The following TMEM181 variants were observed in gnomAD, a reference collection of about 807,000 sequenced individuals.
The protein encoded by TMEM181 is transmembrane protein 181.
Under a neutral mutation model 71.9 loss-of-function variants are expected in TMEM181, and 39 were observed. That is an observed-to-expected ratio of 0.54 (90% CI 0.42 to 0.71). TMEM181 has a LOEUF of 0.71. Among genes scored for constraint, TMEM181 ranks in the 30% least tolerant of loss-of-function variants. The pLI, the probability that TMEM181 is intolerant of heterozygous loss-of-function variation, is 0.00. For synonymous variants in TMEM181, 245 were observed against 228.8 expected (o/e 1.07, Z -0.64); for missense variants, 595 against 583.0 (o/e 1.02, Z -0.21).
chr6:158,562,086 C>T (rs1217094698), intron 1 of TMEM181, among the ~76,000 whole-genome samples: 1 of 152,168 alleles, frequency 6.6e-6, no homozygotes, highest in Non-Finnish European at 1.5e-5. Flanking sequence ...GGCAGCTCCA[C>T]CACTCTGCTT....
chr6:158,560,583 C>T (rs1482153388), intron 1 of TMEM181, among the ~76,000 whole-genome samples: 2 of 152,142 alleles, frequency 1.3e-5, no homozygotes, highest in Non-Finnish European at 2.9e-5. Flanking sequence ...GCCGCCCGCA[C>T]GGAGTCCCGC....
intron 13 of TMEM181, 75 bp from the exon 14 acceptor site, chr6:158,628,333 A>C (rs1195236892): frequency 7.2e-7 from 1 of 1,388,852 alleles, no homozygotes; most frequent in Non-Finnish European, 1.0e-6. Flanking sequence ...GAATGGGGTG[A>C]ATAGAGAATT....
intron 1 of TMEM181, among the ~76,000 whole-genome samples, chr6:158,553,071 C>T (rs1330470811): frequency 6.6e-6 from 1 of 151,842 alleles, no homozygotes; most frequent in Non-Finnish European, 1.5e-5. Flanking sequence ...GCCTGTGGTT[C>T]CAGTTACATG....
chr6:158,557,445 C>CT (rs1423535275), upstream of TMEM181, among the ~76,000 whole-genome samples: 1 of 151,920 alleles, frequency 6.6e-6, no homozygotes, highest in Non-Finnish European at 1.5e-5. Context: ...GTTTGGGTCC[C>CT]TTTCCCCTTT....
At chr6:158,606,264 G>A (rs1317388648) in intron 7 of TMEM181, among the ~76,000 whole-genome samples, 1 of 151,422 alleles carries the variant, frequency 6.6e-6, no homozygotes, top group Non-Finnish European at 1.5e-5. Context: ...ACAGGGAGCT[G>A]GAGGGAAGGG....
intron 8 of TMEM181, 73 bp from the exon 9 acceptor site, chr6:158,608,260 G>C (rs750029667): frequency 7.0e-6 from 11 of 1,580,194 alleles, no homozygotes; most frequent in South Asian, 1.1e-5. Flanking sequence ...TGACCCCGCA[G>C]AGGTATGGGG....
At chr6:158,606,040 G>C (rs1363817087) in intron 7 of TMEM181, among the ~76,000 whole-genome samples, 1 of 152,236 alleles carries the variant, frequency 6.6e-6, no homozygotes, top group Non-Finnish European at 1.5e-5. Context: ...TGTCCACCCA[G>C]GAACACTTGG....
intron 1 of TMEM181, among the ~76,000 whole-genome samples, chr6:158,562,738 TG>T (rs1398954039): frequency 1.3e-5 from 2 of 152,134 alleles, no homozygotes; most frequent in Admixed American, 1.3e-4. Context: ...CTTTGTCTCA[TG>T]GAATGGTTTT....
At chr6:158,575,512 T>C (rs1783107311) in intron 2 of TMEM181, among the ~76,000 whole-genome samples, 1 of 152,186 alleles carries the variant, frequency 6.6e-6, no homozygotes, top group Admixed American at 6.5e-5. Context: ...GAGACAGGGT[T>C]TCACCATGTT....
rs1216805719 is a variant in TMEM181, at chr6:158,631,995, C to T, written c.*107C>T. On this transcript the variant is annotated 3_prime_UTR_variant, in exon 17 of 17. Coordinates refer to ENST00000684151, the MANE Select transcript of TMEM181 (RefSeq NM_001376852.1). Reference sequence around the variant, plus strand: ...AGATTTTTCTTACAAGCAGAGATTTCCTGTTCATTTGTTTACATATTTTTT... The same window carrying T: ...AGATTTTTCTTACAAGCAGAGATTTTCTGTTCATTTGTTTACATATTTTTT... 7.3e-6 allele frequency: 8 copies of T among 1,096,932 alleles called. No homozygotes were observed. The highest frequency in any genetic ancestry group is 1.6e-5 in the African/African-American group (1 of 63,472). 67.9% of individuals were successfully genotyped at this position (1,096,932 alleles called of 1,614,324 possible).
intron 2 of TMEM181, among the ~76,000 whole-genome samples, chr6:158,578,837 A>G (rs568578523): frequency 1.1e-4 from 16 of 152,264 alleles, no homozygotes; most frequent in Non-Finnish European, 2.1e-4. Flanking sequence ...TATACTGTCT[A>G]CAGGAGACTC....
intron 5 of TMEM181, among the ~76,000 whole-genome samples, chr6:158,587,333 G>A (rs1021990605): frequency 2.6e-5 from 4 of 152,064 alleles, no homozygotes; most frequent in Non-Finnish European, 4.4e-5. Context: ...GTTTCTTCCC[G>A]CTTCCGTTGT....
At chr6:158,560,077 C>G (rs1382028712), upstream of TMEM181, 1 of 985,150 alleles carries the variant, frequency 1.0e-6, no homozygotes, top group Non-Finnish European at 1.2e-6. Flanking sequence ...GTGATCTCGG[C>G]GTCGCGCTCT....
At chr6:158,623,181 G>C (rs1786070642) in intron 10 of TMEM181, among the ~76,000 whole-genome samples, 1 of 152,078 alleles carries the variant, frequency 6.6e-6, no homozygotes, top group South Asian at 2.1e-4. Context: ...GTTTCTATTT[G>C]CTTTTATTGC....
chr6:158,595,716 A>G (rs1784351465), intron 6 of TMEM181, among the ~76,000 whole-genome samples: 1 of 152,172 alleles, frequency 6.6e-6, no homozygotes, highest in African/African-American at 2.4e-5. Context: ...TATATAAATT[A>G]CAAAGACAGG....
intron 6 of TMEM181, among the ~76,000 whole-genome samples, chr6:158,603,670 AT>A (rs1448989519): frequency 6.7e-6 from 1 of 149,152 alleles, no homozygotes; most frequent in African/African-American, 2.5e-5. Flanking sequence ...GTCGTGTCTA[AT>A]CTGTTGATCA....
At chr6:158,564,316 C>T (rs1351802083) in intron 1 of TMEM181, among the ~76,000 whole-genome samples, 2 of 152,194 alleles carry the variant, frequency 1.3e-5, no homozygotes, top group Admixed American at 6.5e-5. Flanking sequence ...CCAGTCCCAC[C>T]TCCACACCCT....
At chr6:158,544,009 T>A (rs542296513) in intron 1 of TMEM181, among the ~76,000 whole-genome samples, 30 of 152,150 alleles carry the variant, frequency 2.0e-4, no homozygotes, top group African/African-American at 7.0e-4. Context: ...GGAAATCGGG[T>A]CTGCACATCT....
At chr6:158,621,187 G>C (rs1785932472) in intron 10 of TMEM181, among the ~76,000 whole-genome samples, 1 of 152,240 alleles carries the variant, frequency 6.6e-6, no homozygotes. Context: ...CATGGTATGA[G>C]TGTGAAGTTT....
Sources: allele counts gnomAD v4.1 joint callset (sites outside exome capture counted in the v4.1 genomes callset), GRCh38; gene constraint gnomAD v4.1.1; transcripts MANE v1.5; gene names NCBI Gene and HGNC (gene_info 2026-07-23, HGNC 2026-07-21).